Variants in UGT1A6 observed in about 807,000 individuals in gnomAD.
UGT1A6 encodes UDP glucuronosyltransferase family 1 member A6.
A neutral mutation model predicts 44.4 loss-of-function variants in UGT1A6; 32 were observed. The observed-to-expected ratio is 0.72, with a 90% CI of 0.54 to 0.97. UGT1A6 has a LOEUF of 0.97. Among genes scored for constraint, UGT1A6 ranks in the 50% least tolerant of loss-of-function variants. The pLI, the probability that UGT1A6 is intolerant of heterozygous loss-of-function variation, is 0.00. For missense variants in UGT1A6, 685 were observed against 661.9 expected, an observed-to-expected ratio of 1.03 and a Z score of -0.38; for synonymous variants, 238 against 248.5, an observed-to-expected ratio of 0.96 and a Z score of 0.40.
chr2:233,693,222 A>G lies in UGT1A6; in HGVS notation c.218A>G (p.Tyr73Cys), dbSNP rs1369651424. Reference protein sequence around the residue: ...VNLLLKESKYYTRKIYPVPYD... With the variant: ...VNLLLKESKYCTRKIYPVPYD... ...TTGCTTTTGAAAGAATCCAAATACT[A>G]CACAAGAAAAATCTATCCAGTGCCG... Residue 73 changes from tyrosine to cysteine, a missense_variant, in exon 1 of 5, where the codon TAC becomes TGC. Physicochemically the swap from Tyr to Cys is radical, Grantham distance 194. Transcript: ENST00000305139. 1 of 1,614,126 alleles carries G rather than the reference A, an allele frequency of 6.2e-7. No homozygotes were observed. The highest frequency in any genetic ancestry group is 8.5e-7 in the Non-Finnish European group (1 of 1,180,054).
At chr2:233,738,407 A>T (rs568263428) in intron 1 of UGT1A6, among the ~76,000 whole-genome samples, 3 of 152,352 alleles carry the variant, frequency 2.0e-5, no homozygotes, top group African/African-American at 7.2e-5. Context: ...GAACTGGGTA[A>T]CAGGCAGAGG....
chr2:233,772,112 C>T (rs1700461982), intron 4 of UGT1A6, 150 bp from the exon 5 acceptor site: 2 of 1,527,992 alleles, frequency 1.3e-6, no homozygotes, highest in Non-Finnish European at 1.8e-6. Flanking sequence ...GACTCTGTAT[C>T]TAAAAACAAC....
chr2:233,709,154 G>A (rs2076061128), intron 1 of UGT1A6, among the ~76,000 whole-genome samples: 1 of 152,156 alleles, frequency 6.6e-6, no homozygotes, highest in Non-Finnish European at 1.5e-5. Context: ...CTGATTGGTT[G>A]AGGCCTAGGT....
intron 1 of UGT1A6, chr2:233,719,064 G>A (rs745742855): frequency 1.1e-4 from 179 of 1,614,274 alleles, no homozygotes; most frequent in East Asian, 3.6e-4. Context: ...AGCCTATGCT[G>A]TTCCATGGAC....
At position 233,760,649 on chromosome 2, in the gene UGT1A6, C is replaced by T; in HGVS notation, c.862-6385C>T. The T allele has an allele frequency of 6.2e-7, 1 of 1,614,206 alleles. No individual in the cohort carries two copies. The highest frequency in any genetic ancestry group is 2.2e-5 in the East Asian group (1 of 44,882). On this transcript the variant is annotated intron_variant, in intron 1 of 4. Coordinates refer to ENST00000305139, the MANE Select transcript of UGT1A6 (RefSeq NM_001072.4). ...TACAAGAAAATAAAAAAGGACTCTG[C>T]TATGCTTTTGTCTGGCTGTTCCCAC...
intron 1 of UGT1A6, among the ~76,000 whole-genome samples, chr2:233,766,331 T>C (rs1699119647): frequency 6.6e-6 from 1 of 152,150 alleles, no homozygotes; most frequent in African/African-American, 2.4e-5. Context: ...CTCCGCGTTG[T>C]TCTGCTGGTC....
chr2:233,748,205 G>A, intron 1 of UGT1A6: 1 of 1,514,056 alleles, frequency 6.6e-7, no homozygotes. Context: ...TGTCGTAATA[G>A]CCTTCAGTGA....
intron 1 of UGT1A6, chr2:233,729,480 C>T (rs2077866631): frequency 1.9e-6 from 3 of 1,614,046 alleles, no homozygotes; most frequent in South Asian, 1.1e-5. Context: ...CAATGTTGAA[C>T]AATATGTCTT....
At chr2:233,737,057 G>A (rs1365217094) in intron 1 of UGT1A6, among the ~76,000 whole-genome samples, 2 of 152,190 alleles carry the variant, frequency 1.3e-5, no homozygotes, top group African/African-American at 2.4e-5. Context: ...CTAGGAGAAC[G>A]AGTGCTCTCT....
At chr2:233,724,310 G>A (rs1212736933) in intron 1 of UGT1A6, among the ~76,000 whole-genome samples, 12 of 140,982 alleles carry the variant, frequency 8.5e-5, no homozygotes, top group African/African-American at 1.3e-4. Context: ...CCTCCCTCCC[G>A]GACGGGGCGG....
At chr2:233,757,339 A>G (rs1013645188) in intron 1 of UGT1A6, among the ~76,000 whole-genome samples, 2 of 151,118 alleles carry the variant, frequency 1.3e-5, no homozygotes, top group African/African-American at 4.9e-5. Context: ...GGACCATGAC[A>G]GCTGGGTCTG....
chr2:233,726,029 G>A (rs1318137671), intron 1 of UGT1A6, among the ~76,000 whole-genome samples: 1 of 152,112 alleles, frequency 6.6e-6, no homozygotes, highest in Non-Finnish European at 1.5e-5. Flanking sequence ...ATCCAGGTGT[G>A]ATGGCGCACA....
At chr2:233,702,439 G>A (rs1026560419) in intron 1 of UGT1A6, among the ~76,000 whole-genome samples, 9 of 151,954 alleles carry the variant, frequency 5.9e-5, no homozygotes, top group African/African-American at 1.9e-4. Flanking sequence ...TTTCTAATAA[G>A]GATAACATTT....
chr2:233,759,810 A>G (rs1374483209), intron 1 of UGT1A6, among the ~76,000 whole-genome samples: 1 of 152,220 alleles, frequency 6.6e-6, no homozygotes, highest in Non-Finnish European at 1.5e-5. Flanking sequence ...GTGAGCAGGC[A>G]GTACCGGGGG....
At chr2:233,720,323 T>C (rs1157201210) in intron 1 of UGT1A6, among the ~76,000 whole-genome samples, 1 of 152,090 alleles carries the variant, frequency 6.6e-6, no homozygotes, top group Non-Finnish European at 1.5e-5. Flanking sequence ...TGTGGGGACA[T>C]CGTAGAGTTT....
At chr2:233,724,943 T>TC (rs1416863608) in intron 1 of UGT1A6, among the ~76,000 whole-genome samples, 2 of 143,908 alleles carry the variant, frequency 1.4e-5, no homozygotes, top group Non-Finnish European at 3.0e-5. Context: ...CCGTCTGCAA[T>TC]CCCGGCACCT....
chr2:233,755,291 C>G (rs1483791202), intron 1 of UGT1A6: 2 of 651,218 alleles, frequency 3.1e-6, no homozygotes, highest in Admixed American at 2.9e-5. Flanking sequence ...AAAGAGCCTG[C>G]GGGGCACTGG....
chr2:233,698,871 A>C (rs2075466762), intron 1 of UGT1A6, among the ~76,000 whole-genome samples: 1 of 152,220 alleles, frequency 6.6e-6, no homozygotes, highest in African/African-American at 2.4e-5. Flanking sequence ...TGACTTTGCG[A>C]CTTTGACCAA....
rs750446316 is a variant in UGT1A6, at chr2:233,729,731, C to T, written c.861+35866C>T. On this transcript the variant is annotated intron_variant, in intron 1 of 4. Coordinates refer to ENST00000305139, the MANE Select transcript of UGT1A6 (RefSeq NM_001072.4). ...ATTCCTAGATTACTAACAACCAATT[C>T]AGACCACATGACATTCATGCAAAGG... The T allele has an allele frequency of 2.3e-5, 37 of 1,613,888 alleles. No homozygotes were observed. The Middle Eastern group carries it at 1.3e-3, about 57-fold the overall frequency.
Sources: allele counts gnomAD v4.1 joint callset (sites outside exome capture counted in the v4.1 genomes callset), GRCh38; gene constraint gnomAD v4.1.1; transcripts MANE v1.5; gene names NCBI Gene and HGNC (gene_info 2026-07-23, HGNC 2026-07-21).